The following SPATA31H1 variants were observed in gnomAD, a reference collection of about 807,000 sequenced individuals.
SPATA31H1 encodes the protein SPATA31 subfamily H member 1.
chr2:27,567,133 T>C, the SPATA31H1 span: 1 of 681,956 alleles, frequency 1.5e-6, no homozygotes, highest in Admixed American at 2.4e-5. Flanking sequence ...CCCCTAAATA[T>C]CTGCAAACAA....
At chr2:27,556,112 C>T in the SPATA31H1 span, among the ~76,000 whole-genome samples, 2 of 131,904 alleles carry the variant, frequency 1.5e-5, no homozygotes, top group Admixed American at 1.7e-4. Context: ...AGCATGCTGA[C>T]GAGCTGGACA....
the SPATA31H1 span, chr2:27,568,612 C>T: frequency 2.5e-6 from 1 of 398,838 alleles, no homozygotes; most frequent in Non-Finnish European, 4.4e-6. Context: ...GTCCTACCAC[C>T]AGAGTTTCAA....
At chr2:27,539,397 G>A in the SPATA31H1 span, among the ~76,000 whole-genome samples, 1 of 125,230 alleles carries the variant, frequency 8.0e-6, no homozygotes, top group Non-Finnish European at 1.6e-5. Flanking sequence ...ACCCTGAGTG[G>A]ACACAGCACA....
the SPATA31H1 span, chr2:27,573,958 A>G: frequency 2.5e-6 from 1 of 398,554 alleles, no homozygotes; most frequent in Non-Finnish European, 4.4e-6. Context: ...CCACAATGGC[A>G]ATGTGTCAAA....
the SPATA31H1 span, among the ~76,000 whole-genome samples, chr2:27,548,063 G>C: frequency 2.1e-5 from 3 of 141,778 alleles, no homozygotes; most frequent in South Asian, 6.6e-4. Context: ...CTCACTGCAA[G>C]CTCCACCTCC....
chr2:27,578,704 A>G, the SPATA31H1 span: 45 of 1,614,168 alleles, frequency 2.8e-5, no homozygotes, highest in African/African-American at 5.2e-4. Context: ...GTGTGTCAGA[A>G]TAGGGACTGT....
At chr2:27,573,439 C>T in the SPATA31H1 span, 2 of 398,308 alleles carry the variant, frequency 5.0e-6, no homozygotes, top group African/African-American at 4.1e-5. Flanking sequence ...GAATTGAAAC[C>T]TTCAGTACAA....
chr2:27,580,534 A>T, the SPATA31H1 span: 1 of 1,614,260 alleles, frequency 6.2e-7, no homozygotes, highest in Non-Finnish European at 8.5e-7. Flanking sequence ...TTAGCAGCCC[A>T]TTTAAGAAGG....
chr2:27,553,164 C>T, the SPATA31H1 span, among the ~76,000 whole-genome samples: 1 of 152,086 alleles, frequency 6.6e-6, no homozygotes, highest in South Asian at 2.1e-4. Context: ...GGTTGTCTAA[C>T]CTGTTGAAAG....
chr2:27,550,200 A>G, the SPATA31H1 span, among the ~76,000 whole-genome samples: 1 of 149,834 alleles, frequency 6.7e-6, no homozygotes, highest in African/African-American at 2.5e-5. Context: ...TACAATGTTC[A>G]ATAGAGATGG....
the SPATA31H1 span, among the ~76,000 whole-genome samples, chr2:27,546,512 C>T: frequency 1.6e-4 from 25 of 152,042 alleles, no homozygotes; most frequent in South Asian, 2.9e-3. Flanking sequence ...ACTTAATAAT[C>T]GAGATATTTA....
the SPATA31H1 span, among the ~76,000 whole-genome samples, chr2:27,546,586 G>T: frequency 6.6e-6 from 1 of 151,998 alleles, no homozygotes; most frequent in African/African-American, 2.4e-5. Context: ...AGGCTGAAGT[G>T]CAGTGGTGTG....
chr2:27,556,202 G>C, the SPATA31H1 span, among the ~76,000 whole-genome samples: 12 of 149,736 alleles, frequency 8.0e-5, no homozygotes, highest in African/African-American at 1.7e-4. Flanking sequence ...CTTAAGTTTA[G>C]GTTTTCTTTG....
chr2:27,566,621 C>CTTT, the SPATA31H1 span: 6 of 455,792 alleles, frequency 1.3e-5, no homozygotes, highest in South Asian at 6.7e-5. Flanking sequence ...GGGAAAGAAA[C>CTTT]TTTTTTTTTT....
the SPATA31H1 span, among the ~76,000 whole-genome samples, chr2:27,563,644 C>T: frequency 6.6e-6 from 1 of 151,682 alleles, no homozygotes; most frequent in East Asian, 1.9e-4. Flanking sequence ...ACTGCAACCT[C>T]CACCTTCCAA....
chr2:27,582,077 G>A, the SPATA31H1 span: 2 of 1,614,012 alleles, frequency 1.2e-6, no homozygotes, highest in Non-Finnish European at 1.7e-6. Context: ...GGTCCTTTGA[G>A]AGGAGCCATC....
the SPATA31H1 span, among the ~76,000 whole-genome samples, chr2:27,562,359 T>TA: frequency 1.3e-5 from 2 of 150,028 alleles, no homozygotes; most frequent in African/African-American, 4.9e-5. Flanking sequence ...CTACAAAAAA[T>TA]AAAAAAAAAT....
At chr2:27,562,677 G>A in the SPATA31H1 span, among the ~76,000 whole-genome samples, 1 of 151,544 alleles carries the variant, frequency 6.6e-6, no homozygotes, top group South Asian at 2.1e-4. Flanking sequence ...ACGAGGTCAG[G>A]AGTTTGAGTT....
At chr2:27,558,890 G>T in the SPATA31H1 span, among the ~76,000 whole-genome samples, 2 of 92,426 alleles carry the variant, frequency 2.2e-5, no homozygotes, top group African/African-American at 8.9e-5. Context: ...GGGAGACCGT[G>T]GAGGGAGAGG....
Sources: allele counts gnomAD v4.1 joint callset (sites outside exome capture counted in the v4.1 genomes callset), GRCh38; gene constraint gnomAD v4.1.1; transcripts MANE v1.5; gene names NCBI Gene and HGNC (gene_info 2026-07-23, HGNC 2026-07-21).